The following GLIS3 variants were observed in gnomAD, a reference collection of about 807,000 sequenced individuals.
GLIS3 encodes the protein zinc finger protein GLIS3.
In GLIS3, 53 loss-of-function variants were observed where a neutral mutation model predicts 78.6. The observed-to-expected ratio is 0.67, with a 90% confidence interval of 0.54 to 0.85. The LOEUF (loss-of-function observed/expected upper bound fraction) is 0.85, where lower values mean the gene tolerates loss of function less well. GLIS3 is among the 40% of genes least tolerant of loss of function. The pLI, the probability that GLIS3 is intolerant of heterozygous loss-of-function variation, is 0.00. For missense variants in GLIS3, 1,703 were observed against 1,231.1 expected, an observed-to-expected ratio of 1.38 and a Z score of -5.74; for synonymous variants, 684 against 509.9, an observed-to-expected ratio of 1.34 and a Z score of -4.60.
chr9:4,129,032 G>A (rs1832771685), intron 2 of GLIS3, among the ~76,000 whole-genome samples: 1 of 152,186 alleles, frequency 6.6e-6, no homozygotes, highest in Admixed American at 6.5e-5. Context: ...AATGTTTGTG[G>A]TACAACTATG....
intron 2 of GLIS3, among the ~76,000 whole-genome samples, chr9:4,189,149 C>T (rs36174213): frequency 0.14 from 20,644 of 150,788 alleles, 1,588 homozygotes; most frequent in Middle Eastern, 0.23. Flanking sequence ...TATAAACTTC[C>T]CTCTACACAC....
chr9:4,163,125 G>C (rs1835627535), intron 2 of GLIS3, among the ~76,000 whole-genome samples: 1 of 152,302 alleles, frequency 6.6e-6, no homozygotes, highest in East Asian at 1.9e-4. Flanking sequence ...CAAGTTCAAA[G>C]AGATAAAGCA....
chr9:3,900,413 T>C (rs1440809691), intron 6 of GLIS3, among the ~76,000 whole-genome samples: 1 of 152,074 alleles, frequency 6.6e-6, no homozygotes, highest in African/African-American at 2.4e-5. Flanking sequence ...TTTTTCAAGG[T>C]CCATAATTGA....
At chr9:4,267,602 G>A (rs1826130854) in intron 2 of GLIS3, among the ~76,000 whole-genome samples, 1 of 152,108 alleles carries the variant, frequency 6.6e-6, no homozygotes. Flanking sequence ...TCTATGTCTG[G>A]CACATCTTAG....
chr9:4,050,447 G>A (rs952648136), intron 4 of GLIS3, among the ~76,000 whole-genome samples: 2 of 152,106 alleles, frequency 1.3e-5, no homozygotes, highest in Admixed American at 1.3e-4. Context: ...GGGCCTGTTG[G>A]TGGGTGGGGG....
chr9:4,349,871 T>C (rs1198968584), upstream of GLIS3, among the ~76,000 whole-genome samples: 4 of 152,212 alleles, frequency 2.6e-5, no homozygotes, highest in Non-Finnish European at 4.4e-5. Flanking sequence ...GCCTTCAGTT[T>C]ATCTGGAAGC....
the GLIS3 span, among the ~76,000 whole-genome samples, chr9:4,464,551 C>T: frequency 6.6e-6 from 1 of 151,980 alleles, no homozygotes; most frequent in African/African-American, 2.4e-5. Context: ...CCCACCACAA[C>T]ACCAGCATAA....
At chr9:4,007,453 C>T (rs1235296915) in intron 4 of GLIS3, among the ~76,000 whole-genome samples, 1 of 152,114 alleles carries the variant, frequency 6.6e-6, no homozygotes, top group Non-Finnish European at 1.5e-5. Flanking sequence ...GAATGTCTTC[C>T]TCTCCATTTT....
At chr9:3,912,510 G>C (rs1824222170) in intron 6 of GLIS3, among the ~76,000 whole-genome samples, 1 of 152,182 alleles carries the variant, frequency 6.6e-6, no homozygotes, top group Non-Finnish European at 1.5e-5. Context: ...CCACTATCTA[G>C]CTATGCTGGA....
At chr9:4,020,288 GTTTGTTTTGTTTTT>G (rs1385183671) in intron 4 of GLIS3, among the ~76,000 whole-genome samples, 3 of 152,088 alleles carry the variant, frequency 2.0e-5, no homozygotes, top group African/African-American at 7.2e-5. Context: ...GGAAAGTTCT[GTTTGTTTTGTTTTT>G]TTTGTTTTGT....
upstream of GLIS3, among the ~76,000 whole-genome samples, chr9:4,303,540 G>C (rs149805891): frequency 6.9e-4 from 105 of 152,240 alleles, no homozygotes; most frequent in East Asian, 0.017. Flanking sequence ...ATACATGTCA[G>C]TGATGTAATT....
At chr9:4,366,325 T>G in the GLIS3 span, among the ~76,000 whole-genome samples, 1 of 152,180 alleles carries the variant, frequency 6.6e-6, no homozygotes, top group Non-Finnish European at 1.5e-5. Context: ...CTTCTTTAGC[T>G]AATTGCCTAA....
intron 2 of GLIS3, among the ~76,000 whole-genome samples, chr9:4,277,637 A>G (rs1827150609): frequency 6.6e-6 from 1 of 152,234 alleles, no homozygotes. Context: ...CTTTGTCTCC[A>G]AGGACAGCAG....
At chr9:4,292,165 A>G (rs1019848704) in intron 1 of GLIS3, among the ~76,000 whole-genome samples, 1 of 152,182 alleles carries the variant, frequency 6.6e-6, no homozygotes, top group Non-Finnish European at 1.5e-5. Flanking sequence ...ATTCATTTTA[A>G]AGTAGTGTTT....
chr9:4,322,120 C>T (rs1198880975), intron 2 of GLIS3, among the ~76,000 whole-genome samples: 1 of 152,106 alleles, frequency 6.6e-6, no homozygotes, highest in Admixed American at 6.6e-5. Context: ...TGAGTGAGAA[C>T]ATGCGGTGTT....
chr9:3,905,122 G>A (rs961717640), intron 6 of GLIS3, among the ~76,000 whole-genome samples: 1 of 148,226 alleles, frequency 6.7e-6, no homozygotes, highest in East Asian at 2.0e-4. Flanking sequence ...ATAGGCGCCT[G>A]CCGCCACGCC....
intron 4 of GLIS3, among the ~76,000 whole-genome samples, chr9:4,052,371 T>A (rs1020361151): frequency 6.6e-6 from 1 of 152,308 alleles, no homozygotes; most frequent in East Asian, 1.9e-4. Flanking sequence ...CATTTAAAAG[T>A]ACATACTTCA....
At chr9:4,109,356 A>C (rs913626524) in intron 4 of GLIS3, among the ~76,000 whole-genome samples, 3 of 152,192 alleles carry the variant, frequency 2.0e-5, no homozygotes, top group African/African-American at 7.2e-5. Context: ...ATTCTACATA[A>C]CTGATCAAAT....
At chr9:4,179,905 G>C (rs905236321) in intron 2 of GLIS3, among the ~76,000 whole-genome samples, 2 of 110,844 alleles carry the variant, frequency 1.8e-5, no homozygotes, top group Admixed American at 9.3e-5. Context: ...GCGAGACTCT[G>C]TCTCAAAAAA....
Sources: allele counts gnomAD v4.1 joint callset (sites outside exome capture counted in the v4.1 genomes callset), GRCh38; gene constraint gnomAD v4.1.1; transcripts MANE v1.5; gene names NCBI Gene and HGNC (gene_info 2026-07-23, HGNC 2026-07-21).